The following PATJ variants were observed in gnomAD, a reference collection of about 807,000 sequenced individuals.
PATJ encodes PATJ crumbs cell polarity complex component, also known as inaD-like protein.
In PATJ, 190 loss-of-function variants were observed where a neutral mutation model predicts 224.9. The ratio of observed to expected loss-of-function variants is 0.84; its 90% CI spans 0.75 to 0.95. The LOEUF is 0.95. Among genes scored for constraint, PATJ ranks in the 40% least tolerant of loss-of-function variants. The pLI, the probability that PATJ is intolerant of heterozygous loss-of-function variation, is 0.00. For missense variants in PATJ, 2,121 were observed against 2,270.3 expected (o/e 0.93, Z 1.34); for synonymous variants, 769 against 820.3 (o/e 0.94, Z 1.07).
intron 8 of PATJ, among the ~76,000 whole-genome samples, chr1:61,788,182 C>T (rs1164974520): frequency 2.0e-5 from 3 of 152,040 alleles, no homozygotes; most frequent in Non-Finnish European, 2.9e-5. Context: ...CCTCCCTGAG[C>T]GTCAGTGACT....
Position 62,163,274 on chromosome 1 carries a change from C to T in PATJ, c.*2220C>T, listed in dbSNP as rs1420039334. 6.5e-6 allele frequency: 1 copy of T among 153,242 alleles called. No homozygotes were observed. Among genetic ancestry groups the T allele is most frequent in the Non-Finnish European group, 1.5e-5 (1 of 68,530 alleles). 9.5% of individuals were successfully genotyped at this position (153,242 alleles called of 1,614,324 possible). A position where few individuals can be genotyped will look rare whatever the true frequency, so the allele number is the denominator to read the frequency against. On this transcript the variant is annotated 3_prime_UTR_variant, in exon 44 of 44. Transcript: ENST00000642238. ...TGGCTTTTAAAATTTCTAATGTATC[C>T]AAGATGTGCAATGTTGTTAGGATCT...
chr1:61,777,703 C>CTTTCTTTTTT (rs1415203243), intron 7 of PATJ, among the ~76,000 whole-genome samples: 4 of 48,746 alleles, frequency 8.2e-5, no homozygotes, highest in African/African-American at 3.2e-4. Context: ...TTCTTTCTTT[C>CTTTCTTTTTT]TTTTTTTTTT....
intron 9 of PATJ, among the ~76,000 whole-genome samples, chr1:61,793,156 C>T (rs1288339364): frequency 1.3e-5 from 2 of 152,100 alleles, no homozygotes; most frequent in Non-Finnish European, 2.9e-5. Flanking sequence ...TCACTGCAAC[C>T]TCTGCCTCCC....
At chr1:62,032,243 T>A (rs1558067991) in intron 29 of PATJ, among the ~76,000 whole-genome samples, 1 of 152,022 alleles carries the variant, frequency 6.6e-6, no homozygotes, top group Non-Finnish European at 1.5e-5. Context: ...CTCCTAGAGG[T>A]CCCCCACAGT....
intron 28 of PATJ, among the ~76,000 whole-genome samples, chr1:61,998,084 A>T (rs1374935393): frequency 3.6e-5 from 5 of 138,004 alleles, no homozygotes; most frequent in African/African-American, 8.2e-5. Context: ...TATAATATAT[A>T]TTTTTTTCTT....
intron 19 of PATJ, among the ~76,000 whole-genome samples, chr1:61,863,041 T>G (rs896543647): frequency 6.9e-6 from 1 of 143,984 alleles, no homozygotes; most frequent in Non-Finnish European, 1.5e-5. Flanking sequence ...TTTTTTTTTT[T>G]TTTTTTTTTT....
intron 29 of PATJ, among the ~76,000 whole-genome samples, chr1:62,024,657 A>AACACAC (rs10605703): frequency 1.2e-3 from 126 of 107,730 alleles, no homozygotes; most frequent in African/African-American, 2.0e-3. Context: ...CCCACCTCCC[A>AACACAC]ACACACACAC....
intron 8 of PATJ, 62 bp from the exon 9 acceptor site, chr1:61,791,286 T>G: frequency 1.1e-6 from 1 of 946,978 alleles, no homozygotes; most frequent in Non-Finnish European, 1.7e-6. Flanking sequence ...TTGCACAGAT[T>G]GACTATGTAC....
chr1:61,895,700 A>T (rs1315962937), intron 22 of PATJ, among the ~76,000 whole-genome samples: 2 of 152,248 alleles, frequency 1.3e-5, no homozygotes, highest in Non-Finnish European at 1.5e-5. Context: ...TACCAGGGCA[A>T]TGTAGAGGAA....
intron 25 of PATJ, among the ~76,000 whole-genome samples, chr1:61,909,358 G>A (rs1672290199): frequency 6.6e-6 from 1 of 152,124 alleles, no homozygotes; most frequent in Admixed American, 6.6e-5. Flanking sequence ...GGCAGGATGT[G>A]GATTTTATAC....
At chr1:62,109,427 C>G (rs1663532647) in intron 34 of PATJ, among the ~76,000 whole-genome samples, 1 of 152,130 alleles carries the variant, frequency 6.6e-6, no homozygotes, top group Non-Finnish European at 1.5e-5. Flanking sequence ...AGAGGCCAGG[C>G]TGATTGCAAA....
intron 9 of PATJ, among the ~76,000 whole-genome samples, chr1:61,793,351 A>G (rs1288080445): frequency 1.3e-5 from 2 of 152,218 alleles, no homozygotes; most frequent in Non-Finnish European, 2.9e-5. Flanking sequence ...CTATGAATGG[A>G]AAAGAAGGGT....
Position 61,864,246 on chromosome 1 carries a change from A to G in PATJ, c.2448A>G (p.Arg816=). 1 of 1,607,472 alleles carries G rather than the reference A, an allele frequency of 6.2e-7. No individual in the cohort carries two copies. The highest frequency in any genetic ancestry group is 1.1e-5 in the South Asian group (1 of 90,012). ...SLILEAPKGF[R]DEPYFKEELV... ...GCATCTTTTATTTATAGGGATTTAGAGATGAACCATATTTTAAAGAAGAAC... is the reference window on the plus strand; with the variant it reads ...GCATCTTTTATTTATAGGGATTTAGGGATGAACCATATTTTAAAGAAGAAC... The change falls in exon 20 of 44, where the codon AGA becomes AGG. Residue 816 remains arginine, a synonymous_variant. Coordinates refer to ENST00000642238, the MANE Select transcript of PATJ (RefSeq NM_001350145.3).
intron 27 of PATJ, among the ~76,000 whole-genome samples, chr1:61,960,253 T>C (rs533173184): frequency 6.6e-6 from 1 of 152,316 alleles, no homozygotes; most frequent in South Asian, 2.1e-4. Context: ...CTTACCTCTT[T>C]GGATTATTTA....
chr1:62,093,158 C>T (rs955426104), intron 33 of PATJ, among the ~76,000 whole-genome samples: 1 of 152,136 alleles, frequency 6.6e-6, no homozygotes. Context: ...AGGGCAGCTA[C>T]GTTAGCAAGA....
Position 61,769,407 on chromosome 1 carries a change from G to A in PATJ, c.509G>A (p.Gly170Glu), listed in dbSNP as rs1276835859. Residue 170 changes from glycine to glutamate, a missense_variant, in exon 5 of 44, where the codon GGG becomes GAG. By Grantham distance (98) the Gly-to-Glu change is moderately conservative. Coordinates refer to ENST00000642238, the MANE Select transcript of PATJ (RefSeq NM_001350145.3). ...ATCTTCGTGAAGGATGTCCAGCCAG[G>A]GAGTGTAGCAGACAGGTGAGGAAGC... ...VDIFVKDVQPGSVADRDQRLK... is the reference protein window; with the variant it reads ...VDIFVKDVQPESVADRDQRLK... 6 of 1,613,796 alleles carry A rather than the reference G, an allele frequency of 3.7e-6. No individual in the cohort carries two copies. Among genetic ancestry groups the A allele is most frequent in the Middle Eastern group, 3.3e-4 (2 of 6,056 alleles).
intron 33 of PATJ, among the ~76,000 whole-genome samples, chr1:62,094,558 A>AACACACACACACACAC (rs58104906): frequency 3.8e-5 from 5 of 132,536 alleles, no homozygotes; most frequent in South Asian, 2.6e-4. Context: ...ATTCTGTCTC[A>AACACACACACACACAC]ACACACACAC....
chr1:61,997,409 G>A (rs930815452), intron 28 of PATJ, among the ~76,000 whole-genome samples: 4 of 152,240 alleles, frequency 2.6e-5, no homozygotes, highest in East Asian at 1.9e-4. Flanking sequence ...TCATTACAGC[G>A]TTGTAACCAA....
At chr1:62,083,123 C>T (rs1052414229) in intron 32 of PATJ, among the ~76,000 whole-genome samples, 5 of 152,020 alleles carry the variant, frequency 3.3e-5, no homozygotes, top group African/African-American at 4.8e-5. Flanking sequence ...TTTGAGGTTT[C>T]GTTGTTGTTG....
Sources: gnomAD v4.1 joint callset for allele counts (sites outside exome capture counted in the v4.1 genomes callset) on GRCh38, gnomAD v4.1.1 for gene constraint, MANE v1.5 for transcripts, NCBI Gene and HGNC (gene_info 2026-07-23, HGNC 2026-07-21) for gene names.